PEX14: variants seen among roughly 807,000 people sequenced by gnomAD.
The protein encoded by PEX14 is peroxisomal membrane protein PEX14.
PEX14 carries 15 observed loss-of-function variants against 49.5 expected under a neutral mutation model. The observed-to-expected ratio is 0.30, with a 90% CI of 0.20 to 0.47. PEX14 has a LOEUF of 0.47. PEX14 is among the 20% of genes least tolerant of loss of function. The probability of loss-of-function intolerance (pLI) is 1.00; values close to 1 mark genes in which losing one functional copy is unlikely to be tolerated. For missense variants in PEX14, 398 were observed against 494.8 expected (o/e 0.80, Z 1.86); for synonymous variants, 210 against 212.7 (o/e 0.99, Z 0.11).
In PEX14 at chr1:10,545,078, T is replaced by C. The variant is rs567467170; in HGVS notation, c.169+8781T>C. 1.1e-4 allele frequency among the ~76,000 whole-genome samples: 16 copies of C among 152,328 alleles called. 1 individual carries two copies. In the South Asian group the frequency reaches 3.3e-3, roughly 32 times the overall value. ...GTGCCTGGCCCTAGTTTGCATTTTG[T>C]AGAAATTTATATAAATGGAATTATA... On this transcript the variant is annotated intron_variant, in intron 3 of 8. Coordinates refer to ENST00000356607, the MANE Select transcript of PEX14 (RefSeq NM_004565.3).
At position 10,628,095 on chromosome 1, in the gene PEX14, C is replaced by T. The variant is rs985719902; in HGVS notation, c.677+732C>T. 2.6e-5 allele frequency among the ~76,000 whole-genome samples: 4 copies of T among 152,152 alleles called. No individual in the cohort carries two copies. Among genetic ancestry groups the T allele is most frequent in the African/African-American group, 9.7e-5 (4 of 41,420 alleles). ...GGATTACAGGCGCCCGCCACCACTC[C>T]CGGCTAATTTTTGTATTTTTAGTAG... On this transcript the variant is annotated intron_variant, in intron 8 of 8. Transcript: ENST00000356607. The surrounding 1 kb of genome is among the most constrained non-coding windows in gnomAD (Gnocchi z 4.5).
At chr1:10,483,496 C>T (rs1446183353) in intron 1 of PEX14, among the ~76,000 whole-genome samples, 1 of 151,880 alleles carries the variant, frequency 6.6e-6, no homozygotes, top group Non-Finnish European at 1.5e-5. Flanking sequence ...TTTTATATTT[C>T]AGTAGAGACG....
At chr1:10,505,722 C>T in intron 2 of PEX14, among the ~76,000 whole-genome samples, 1 of 151,162 alleles carries the variant, frequency 6.6e-6, no homozygotes. Context: ...GCTCCGTTGC[C>T]CAGGCTGGAG....
intron 1 of PEX14, among the ~76,000 whole-genome samples, chr1:10,488,136 T>TG (rs1268063055): frequency 1.3e-5 from 2 of 152,310 alleles, no homozygotes; most frequent in East Asian, 3.9e-4. Flanking sequence ...TAAAAATAGA[T>TG]GTGAGGATAT....
chr1:10,490,229 G>A (rs1304306596), intron 1 of PEX14, among the ~76,000 whole-genome samples: 1 of 151,892 alleles, frequency 6.6e-6, no homozygotes, highest in Non-Finnish European at 1.5e-5. Context: ...TGGTGGGATC[G>A]AATCTTATTC....
intron 1 of PEX14, among the ~76,000 whole-genome samples, chr1:10,483,517 A>G (rs1013767711): frequency 4.0e-5 from 6 of 151,840 alleles, no homozygotes; most frequent in East Asian, 1.9e-4. Context: ...GGGTTTCACT[A>G]TGTTGGCCAG....
chr1:10,563,328 G>C (rs147088377), intron 3 of PEX14, among the ~76,000 whole-genome samples: 1 of 149,584 alleles, frequency 6.7e-6, no homozygotes, highest in Non-Finnish European at 1.5e-5. Flanking sequence ...GGCCGGGCGC[G>C]GTTGCTCACG....
intron 1 of PEX14, among the ~76,000 whole-genome samples, chr1:10,487,545 C>T (rs539590869): frequency 2.7e-4 from 33 of 123,152 alleles, no homozygotes; most frequent in African/African-American, 9.6e-4. Flanking sequence ...AGTGCAGTGG[C>T]GTGATCTCAG....
At chr1:10,535,720 T>G (rs1170489591) in intron 2 of PEX14, among the ~76,000 whole-genome samples, 1 of 152,206 alleles carries the variant, frequency 6.6e-6, no homozygotes, top group East Asian at 1.9e-4. Flanking sequence ...CTTGCTTATT[T>G]AGGCAAGGCT....
chr1:10,506,368 T>C (rs1009019710), intron 2 of PEX14, among the ~76,000 whole-genome samples: 1 of 152,218 alleles, frequency 6.6e-6, no homozygotes, highest in African/African-American at 2.4e-5. Context: ...AACCTCTGCC[T>C]CCCAGGTTCA....
intron 3 of PEX14, among the ~76,000 whole-genome samples, chr1:10,541,961 T>C (rs182214168): frequency 3.7e-4 from 57 of 152,318 alleles, no homozygotes; most frequent in African/African-American, 1.3e-3. Flanking sequence ...CTTTCAGATT[T>C]ACCCAGTTAC....
chr1:10,522,800 A>G (rs1249804738), intron 2 of PEX14, among the ~76,000 whole-genome samples: 1 of 152,234 alleles, frequency 6.6e-6, no homozygotes, highest in Admixed American at 6.5e-5. Flanking sequence ...GGTCATCAGG[A>G]GCCATTTGAA....
At chr1:10,502,176 T>C (rs1474887603) in intron 2 of PEX14, among the ~76,000 whole-genome samples, 4 of 152,128 alleles carry the variant, frequency 2.6e-5, no homozygotes, top group African/African-American at 9.7e-5. Flanking sequence ...TCCTCACTCC[T>C]CTCTCATCAA....
At chr1:10,574,908 G>A (rs1640077536) in intron 3 of PEX14, among the ~76,000 whole-genome samples, 1 of 151,948 alleles carries the variant, frequency 6.6e-6, no homozygotes, top group African/African-American at 2.4e-5. Flanking sequence ...CCAGGAGTTC[G>A]AGACCAGCCT....
chr1:10,583,589 A>C (rs896204025), intron 3 of PEX14, among the ~76,000 whole-genome samples: 2 of 152,036 alleles, frequency 1.3e-5, no homozygotes, highest in African/African-American at 4.8e-5. Flanking sequence ...TACTAGGAAC[A>C]TAGCAGTGAA....
intron 1 of PEX14, among the ~76,000 whole-genome samples, chr1:10,488,805 T>A (rs768911202): frequency 4.0e-5 from 6 of 151,618 alleles, no homozygotes; most frequent in African/African-American, 7.3e-5. Context: ...GCTCGGCCTC[T>A]ATTTTCTTTT....
chr1:10,520,819 T>G (rs1638263396), intron 2 of PEX14, among the ~76,000 whole-genome samples: 1 of 152,230 alleles, frequency 6.6e-6, no homozygotes, highest in Non-Finnish European at 1.5e-5. Context: ...GGTACTTTTC[T>G]GTAAATGTAC....
intron 1 of PEX14, among the ~76,000 whole-genome samples, chr1:10,492,721 CCATT>C (rs1641492490): frequency 6.6e-6 from 1 of 152,044 alleles, no homozygotes; most frequent in South Asian, 2.1e-4. Context: ...TTTTTGTTGC[CCATT>C]CATTCATTCA....
chr1:10,484,583 G>C (rs75783592), intron 1 of PEX14, among the ~76,000 whole-genome samples: 1 of 151,706 alleles, frequency 6.6e-6, no homozygotes, highest in Non-Finnish European at 1.5e-5. Context: ...TGATTCCTGC[G>C]TAACAGTATT....
Sources: allele counts gnomAD v4.1 joint callset (sites outside exome capture counted in the v4.1 genomes callset), GRCh38; gene constraint gnomAD v4.1.1; non-coding constraint Gnocchi (gnomAD v3.1); transcripts MANE v1.5; gene names NCBI Gene and HGNC (gene_info 2026-07-23, HGNC 2026-07-21).